Variants in GNG12 observed in about 807,000 individuals in gnomAD.
GNG12 encodes the protein guanine nucleotide-binding protein G(I)/G(S)/G(O) subunit gamma-12.
For synonymous variants in GNG12, 28 were observed against 29.7 expected, an observed-to-expected ratio of 0.94 and a Z score of 0.19; for missense variants, 69 against 83.8, an observed-to-expected ratio of 0.82 and a Z score of 0.69.
At chr1:67,814,684 C>T (rs767803592) in intron 1 of GNG12, among the ~76,000 whole-genome samples, 1 of 152,176 alleles carries the variant, frequency 6.6e-6, no homozygotes, top group Admixed American at 6.5e-5. Context: ...GTTTTATATG[C>T]TTATCAGGAC....
intron 1 of GNG12, among the ~76,000 whole-genome samples, chr1:67,781,815 A>C (rs1434054008): frequency 6.6e-6 from 1 of 152,160 alleles, no homozygotes; most frequent in Non-Finnish European, 1.5e-5. Flanking sequence ...GGTTTCATTT[A>C]CTCAGGGAGA....
intron 2 of GNG12, among the ~76,000 whole-genome samples, chr1:67,759,009 T>A (rs1326031957): frequency 6.6e-6 from 1 of 152,108 alleles, no homozygotes; most frequent in Non-Finnish European, 1.5e-5. Flanking sequence ...TATTGTATAT[T>A]TCAAAACAGC....
At chr1:67,705,637 G>T (rs1646242987) in intron 3 of GNG12, 61 bp from the exon 4 acceptor site, 1 of 1,561,152 alleles carries the variant, frequency 6.4e-7, no homozygotes, top group South Asian at 1.2e-5. Context: ...CACTTTCAGA[G>T]CGTATTTGAA....
intron 2 of GNG12, among the ~76,000 whole-genome samples, chr1:67,766,084 TCAAA>T (rs1443564679): frequency 2.3e-5 from 3 of 129,756 alleles, no homozygotes; most frequent in East Asian, 4.5e-4. Flanking sequence ...AGGCAAAAAC[TCAAA>T]CAAAACAAGG....
chr1:67,820,022 G>A lies in GNG12; in HGVS notation c.-77+13322C>T, dbSNP rs118005020. On this transcript the variant is annotated intron_variant, in intron 1 of 3. Coordinates refer to ENST00000370982, the MANE Select transcript of GNG12 (RefSeq NM_018841.6). ...CCTCGTCATGTGATTTTTACTCAAG[G>A]AATTTTGTGTATCTTGTTCACAGTT... Among the ~76,000 whole-genome samples the A allele has an allele frequency of 6.8e-4, 103 of 151,384 alleles. 3 individuals are homozygous for A. The East Asian group carries it at 0.019, about 28-fold the overall frequency.
intron 1 of GNG12, among the ~76,000 whole-genome samples, chr1:67,796,566 T>C (rs966948374): frequency 2.0e-5 from 3 of 152,158 alleles, no homozygotes; most frequent in African/African-American, 7.2e-5. Flanking sequence ...GTATGACAGA[T>C]AGTAGGCACT....
intron 1 of GNG12, among the ~76,000 whole-genome samples, chr1:67,789,481 C>A (rs1557618404): frequency 1.3e-5 from 2 of 152,130 alleles, no homozygotes; most frequent in Non-Finnish European, 2.9e-5. Context: ...GATGATATAA[C>A]TATGATTCCT....
chr1:67,803,017 C>T (rs1377821637), intron 1 of GNG12, among the ~76,000 whole-genome samples: 1 of 152,198 alleles, frequency 6.6e-6, no homozygotes, highest in East Asian at 1.9e-4. Context: ...TAGTGCATTT[C>T]GCAAAGAAAA....
intron 2 of GNG12, among the ~76,000 whole-genome samples, chr1:67,732,378 T>C (rs1292116311): frequency 6.6e-6 from 1 of 152,226 alleles, no homozygotes; most frequent in Non-Finnish European, 1.5e-5. Context: ...CCCTTGGCCT[T>C]GTTCCCTGAC....
intron 2 of GNG12, among the ~76,000 whole-genome samples, chr1:67,731,878 TTA>T (rs1570494811): frequency 2.0e-5 from 3 of 152,252 alleles, no homozygotes; most frequent in Admixed American, 6.5e-5. Flanking sequence ...GCTTATTTTT[TTA>T]TATTCTCCAC....
chr1:67,781,098 C>T (rs749174424), intron 1 of GNG12, among the ~76,000 whole-genome samples: 4 of 152,162 alleles, frequency 2.6e-5, no homozygotes, highest in African/African-American at 4.8e-5. Context: ...AGAACATATA[C>T]AGATCTCTAG....
intron 2 of GNG12, among the ~76,000 whole-genome samples, chr1:67,734,845 T>G (rs963988962): frequency 6.6e-6 from 1 of 152,090 alleles, no homozygotes; most frequent in Non-Finnish European, 1.5e-5. Context: ...CAATTTTTAT[T>G]TATTTATTCT....
intron 1 of GNG12, among the ~76,000 whole-genome samples, chr1:67,821,695 G>A (rs563238763): frequency 2.6e-5 from 4 of 152,188 alleles, no homozygotes; most frequent in Non-Finnish European, 2.9e-5. Flanking sequence ...TGCTAAATTT[G>A]TGGTAATTTG....
At chr1:67,748,261 G>C (rs1490196239) in intron 2 of GNG12, among the ~76,000 whole-genome samples, 1 of 152,152 alleles carries the variant, frequency 6.6e-6, no homozygotes, top group Non-Finnish European at 1.5e-5. Flanking sequence ...GAAGTTCTGG[G>C]CATTTGGAAG....
At chr1:67,791,253 C>G (rs1646800707) in intron 1 of GNG12, among the ~76,000 whole-genome samples, 1 of 152,136 alleles carries the variant, frequency 6.6e-6, no homozygotes, top group Non-Finnish European at 1.5e-5. Flanking sequence ...GTTCCCTAAT[C>G]AGATTCTGAT....
At chr1:67,812,797 T>A (rs1039573013) in intron 1 of GNG12, among the ~76,000 whole-genome samples, 1 of 152,218 alleles carries the variant, frequency 6.6e-6, no homozygotes, top group Admixed American at 6.5e-5. Flanking sequence ...TCATATTTCA[T>A]ATGCTCAAGA....
chr1:67,799,472 T>A (rs1190111386), intron 1 of GNG12, among the ~76,000 whole-genome samples: 1 of 152,218 alleles, frequency 6.6e-6, no homozygotes, highest in Non-Finnish European at 1.5e-5. Context: ...GTCCTGACTT[T>A]GTATCTAGTT....
chr1:67,819,108 G>A (rs963403811), intron 1 of GNG12, among the ~76,000 whole-genome samples: 1 of 152,166 alleles, frequency 6.6e-6, no homozygotes, highest in Non-Finnish European at 1.5e-5. Flanking sequence ...CAGGTGAGAG[G>A]CATGGGGGTA....
In GNG12 at chr1:67,705,459, T is replaced by C; in HGVS notation, c.211A>G (p.Ile71Val). Residue 71 changes from isoleucine to valine, a missense_variant, in exon 4 of 4, where the codon ATC (isoleucine) becomes GTC (valine). Physicochemically the swap from Ile to Val is conservative, Grantham distance 29. Coordinates refer to ENST00000370982, the MANE Select transcript of GNG12 (RefSeq NM_018841.6). Reference protein sequence around the residue: ...NPFKDKKTCIIL With the variant: ...NPFKDKKTCIVL ...GCTGTTTCTCTATTCCACTATAAGA[T>C]GATGCAAGTTTTTTTATCCTTGAAA... The C allele has an allele frequency of 6.2e-7, 1 of 1,614,088 alleles. No homozygotes were observed. The highest frequency in any genetic ancestry group is 8.5e-7 in the Non-Finnish European group (1 of 1,179,972).
Sources: allele counts gnomAD v4.1 joint callset (sites outside exome capture counted in the v4.1 genomes callset), GRCh38; gene constraint gnomAD v4.1.1; transcripts MANE v1.5; gene names NCBI Gene and HGNC (gene_info 2026-07-23, HGNC 2026-07-21).